RBFOX1: variants seen among roughly 807,000 people sequenced by gnomAD.
RBFOX1 encodes RNA binding fox-1 homolog 1.
Under a neutral mutation model 57.7 loss-of-function variants are expected in RBFOX1, and 8 were observed. The ratio of observed to expected loss-of-function variants is 0.14; its 90% CI spans 0.08 to 0.25. The LOEUF is 0.25. Among genes scored for constraint, RBFOX1 ranks in the 10% least tolerant of loss-of-function variants. RBFOX1 has a pLI of 1.00. For synonymous variants in RBFOX1, 326 were observed against 222.4 expected, an observed-to-expected ratio of 1.47 and a Z score of -4.15; for missense variants, 611 against 548.5, an observed-to-expected ratio of 1.11 and a Z score of -1.14.
chr16:7,300,290 C>G (rs1472389553), intron 4 of RBFOX1, among the ~76,000 whole-genome samples: 2 of 151,896 alleles, frequency 1.3e-5, no homozygotes, highest in African/African-American at 4.8e-5. Flanking sequence ...CTGATGCCGA[C>G]CTGGGGGCTA....
chr16:6,638,990 C>G (rs943730304), intron 2 of RBFOX1, among the ~76,000 whole-genome samples: 1 of 152,154 alleles, frequency 6.6e-6, no homozygotes, highest in Non-Finnish European at 1.5e-5. Flanking sequence ...CAAGATGGCT[C>G]GAGTTCAAGT....
chr16:5,306,392 C>G (rs572894249), intron 1 of RBFOX1, among the ~76,000 whole-genome samples: 113 of 151,780 alleles, frequency 7.4e-4, no homozygotes, highest in Non-Finnish European at 9.6e-4. Flanking sequence ...TGATCTTGAC[C>G]CACTGCAACC....
intron 3 of RBFOX1, among the ~76,000 whole-genome samples, chr16:6,761,945 C>A (rs1053687986): frequency 6.6e-6 from 1 of 152,120 alleles, no homozygotes; most frequent in Non-Finnish European, 1.5e-5. Flanking sequence ...TTATCTCTGA[C>A]ATTTTTTGTT....
intron 4 of RBFOX1, among the ~76,000 whole-genome samples, chr16:5,943,830 G>A (rs2059331189): frequency 6.7e-6 from 1 of 149,984 alleles, no homozygotes; most frequent in Non-Finnish European, 1.5e-5. Context: ...CCCATCCATC[G>A]ACCCACCCAT....
chr16:6,896,751 C>T (rs1043265714), intron 3 of RBFOX1, among the ~76,000 whole-genome samples: 6 of 152,142 alleles, frequency 3.9e-5, no homozygotes, highest in African/African-American at 1.4e-4. Flanking sequence ...CTGTGGATTG[C>T]TCCCAAGAGC....
intron 3 of RBFOX1, among the ~76,000 whole-genome samples, chr16:5,805,236 A>G (rs1158837730): frequency 6.6e-6 from 1 of 152,186 alleles, no homozygotes; most frequent in African/African-American, 2.4e-5. Flanking sequence ...CCTGGATTAA[A>G]ATATGAGGTT....
intron 4 of RBFOX1, among the ~76,000 whole-genome samples, chr16:7,111,903 G>C (rs2064854917): frequency 6.6e-6 from 1 of 152,082 alleles, no homozygotes; most frequent in African/African-American, 2.4e-5. Flanking sequence ...GGCTGATTTA[G>C]CATGTTCTTC....
intron 2 of RBFOX1, among the ~76,000 whole-genome samples, chr16:6,390,357 TG>T (rs762219727): frequency 2.9e-4 from 44 of 152,296 alleles, no homozygotes; most frequent in Non-Finnish European, 4.7e-4. Context: ...GTGATAATAC[TG>T]AACTGAAGGG....
intron 1 of RBFOX1, among the ~76,000 whole-genome samples, chr16:5,308,067 T>C (rs1010510601): frequency 3.3e-5 from 5 of 152,144 alleles, no homozygotes; most frequent in African/African-American, 1.2e-4. Context: ...TGGCCAGGTG[T>C]AGTGGCTCAC....
chr16:6,255,614 A>C (rs777201248), intron 1 of RBFOX1, among the ~76,000 whole-genome samples: 2 of 152,128 alleles, frequency 1.3e-5, no homozygotes, highest in Non-Finnish European at 2.9e-5. Flanking sequence ...TCAGTTTTCA[A>C]AGTCCACAGA....
chr16:7,085,484 G>T (rs533442748), intron 4 of RBFOX1, among the ~76,000 whole-genome samples: 2 of 152,258 alleles, frequency 1.3e-5, no homozygotes, highest in East Asian at 3.9e-4. Flanking sequence ...GTATTTGCTG[G>T]CATGGATTTG....
At chr16:7,650,786 A>G (rs2064880719) in intron 11 of RBFOX1, among the ~76,000 whole-genome samples, 1 of 152,190 alleles carries the variant, frequency 6.6e-6, no homozygotes, top group South Asian at 2.1e-4. Flanking sequence ...TTTATTTCAA[A>G]ATCCAGGGTG....
intron 4 of RBFOX1, among the ~76,000 whole-genome samples, chr16:7,104,018 T>G (rs1481078328): frequency 6.6e-6 from 1 of 152,148 alleles, no homozygotes; most frequent in Non-Finnish European, 1.5e-5. Flanking sequence ...GAATTTAAAT[T>G]TTGTTTTGTG....
chr16:7,410,830 CGTGTGTGTGT>C (rs56755477), intron 4 of RBFOX1, among the ~76,000 whole-genome samples: 43,704 of 150,340 alleles, frequency 0.29, 7,451 homozygotes, highest in South Asian at 0.52. Context: ...TGAGTTTTCA[CGTGTGTGTGT>C]GTGTGTGTGT....
chr16:6,110,542 G>T (rs559296958), intron 1 of RBFOX1, among the ~76,000 whole-genome samples: 1 of 152,170 alleles, frequency 6.6e-6, no homozygotes, highest in East Asian at 1.9e-4. Context: ...CTACCCGCTG[G>T]GCTGTTTCAA....
At chr16:6,317,227 A>G (rs1315841348) in intron 2 of RBFOX1, among the ~76,000 whole-genome samples, 170 bp downstream of exon 2, 3 of 152,198 alleles carry the variant, frequency 2.0e-5, no homozygotes, top group African/African-American at 4.8e-5. Context: ...GAGGGCCTGC[A>G]AGGTAGAACC....
chr16:6,663,409 G>C (rs1411656510), intron 3 of RBFOX1, among the ~76,000 whole-genome samples: 1 of 152,194 alleles, frequency 6.6e-6, no homozygotes, highest in Non-Finnish European at 1.5e-5. Context: ...ATAGCCAGCA[G>C]GATTTGTTTC....
chr16:5,765,873 C>A (rs532312585), intron 3 of RBFOX1, among the ~76,000 whole-genome samples: 1 of 152,114 alleles, frequency 6.6e-6, no homozygotes, highest in African/African-American at 2.4e-5. Context: ...CCTAGTCTCC[C>A]GTGGAAAAGA....
At chr16:7,152,773 G>A (rs1431130211) in intron 4 of RBFOX1, among the ~76,000 whole-genome samples, 2 of 152,162 alleles carry the variant, frequency 1.3e-5, no homozygotes, top group Non-Finnish European at 2.9e-5. Flanking sequence ...GTCCAGGTAC[G>A]ATATTTTATG....
Sources: gnomAD v4.1 joint callset for allele counts (sites outside exome capture counted in the v4.1 genomes callset) on GRCh38, gnomAD v4.1.1 for gene constraint, MANE v1.5 for transcripts, NCBI Gene and HGNC (gene_info 2026-07-23, HGNC 2026-07-21) for gene names.